DCX: variants seen among roughly 807,000 people sequenced by gnomAD.
The protein encoded by DCX is neuronal migration protein doublecortin.
A neutral mutation model predicts 20.9 loss-of-function variants in DCX; 4 were observed. The observed-to-expected ratio is 0.19, with a 90% CI of 0.09 to 0.44. The LOEUF (loss-of-function observed/expected upper bound fraction) is 0.44, where lower values mean the gene tolerates loss of function less well. Among genes scored for constraint, DCX ranks in the 20% least tolerant of loss-of-function variants. The probability of loss-of-function intolerance (pLI) is 0.99; values close to 1 mark genes in which losing one functional copy is unlikely to be tolerated. For synonymous variants in DCX, 103 were observed against 111.4 expected (o/e 0.92, Z 0.47); for missense variants, 133 against 296.9 (o/e 0.45, Z 4.06).
At chrX:111,352,003 G>A (rs1418912910) in intron 3 of DCX, among the ~76,000 whole-genome samples, 1 of 112,109 alleles carries the variant, frequency 8.9e-6, no homozygotes, top group Non-Finnish European at 1.9e-5. Context: ...GGGATTACAG[G>A]AGGGAGCCAC....
intron 3 of DCX, among the ~76,000 whole-genome samples, chrX:111,393,009 A>G (rs1259712376): frequency 6.3e-5 from 7 of 111,143 alleles, no homozygotes; most frequent in African/African-American, 2.3e-4. Flanking sequence ...TTCCCTACAA[A>G]ATAAGACTAA....
intron 3 of DCX, among the ~76,000 whole-genome samples, chrX:111,334,994 A>G (rs752199261): frequency 8.9e-6 from 1 of 111,911 alleles, no homozygotes; most frequent in Non-Finnish European, 1.9e-5. Context: ...GCCTAGCTGC[A>G]GACCTCCTAC....
intron 6 of DCX, among the ~76,000 whole-genome samples, chrX:111,308,965 T>C (rs1273171114): frequency 9.0e-6 from 1 of 110,760 alleles, no homozygotes; most frequent in East Asian, 2.8e-4. Flanking sequence ...CCTCTGTACC[T>C]CTTTTTTTCT....
chrX:111,301,438 C>T lies in DCX; in HGVS notation c.*249G>A, dbSNP rs2095033665. Reference sequence around the variant, plus strand: ...GGTCATGGACTAGCACATTTTGCATCCCTGGAATGCTGCCCCAAAGGATGG... The same window carrying T: ...GGTCATGGACTAGCACATTTTGCATTCCTGGAATGCTGCCCCAAAGGATGG... On this transcript the variant is annotated 3_prime_UTR_variant, in exon 7 of 7. Transcript: ENST00000636035. 1 of 424,904 alleles carries T rather than the reference C, an allele frequency of 2.4e-6. No individual in the cohort carries two copies. Among genetic ancestry groups the T allele is most frequent in the Admixed American group, 3.9e-5 (1 of 25,419 alleles). The allele number at this position is 424,904 out of a possible 1,213,427, so 35.0% of individuals were successfully genotyped here. A position where few individuals can be genotyped will look rare whatever the true frequency, so the allele number is the denominator to read the frequency against.
intron 3 of DCX, among the ~76,000 whole-genome samples, chrX:111,397,481 A>T (rs765050995): frequency 3.5e-4 from 39 of 111,993 alleles, no homozygotes; most frequent in Admixed American, 2.4e-3. Context: ...AGTGATTGAC[A>T]GGTGTTAACT....
chrX:111,343,768 G>A (rs1296799965), intron 3 of DCX, among the ~76,000 whole-genome samples: 3 of 111,318 alleles, frequency 2.7e-5, no homozygotes, highest in African/African-American at 9.8e-5. Context: ...GATCACCTGA[G>A]GTCAGGAGTT....
At position 111,400,843 on chromosome X, in the gene DCX, C is replaced by G; in HGVS notation, c.705+147G>C. On this transcript the variant is annotated intron_variant, in intron 3 of 6. Coordinates refer to ENST00000636035, the MANE Select transcript of DCX (RefSeq NM_001195553.2). ...TTCATTGCTTTGCCTGCTAAAAATA[C>G]CTTTTCTCCAAATGAAACCTATAAT... The G allele has an allele frequency of 9.1e-6, 5 of 549,640 alleles. No individual in the cohort carries two copies. In the South Asian group the frequency reaches 1.6e-4, roughly 17 times the overall value. The allele number at this position is 549,640 out of a possible 1,213,427, so 45.3% of individuals were successfully genotyped here.
intron 5 of DCX, among the ~76,000 whole-genome samples, chrX:111,317,797 C>T (rs1458247423): frequency 8.9e-6 from 1 of 111,877 alleles, no homozygotes; most frequent in Non-Finnish European, 1.9e-5. Context: ...ATGTGGCCAA[C>T]AAGCATATGA....
At chrX:111,301,778 TTTC>T (rs777916656) in intron 6 of DCX, 35 bp from the exon 7 acceptor site, 19 of 1,159,734 alleles carry the variant, frequency 1.6e-5, no homozygotes, top group Non-Finnish European at 2.1e-5. Context: ...TAATTTTCCT[TTTC>T]TTGATATCTT....
At chrX:111,339,653 C>T (rs1922047628) in intron 3 of DCX, among the ~76,000 whole-genome samples, 1 of 112,152 alleles carries the variant, frequency 8.9e-6, no homozygotes, top group South Asian at 3.7e-4. Flanking sequence ...TGAATACTCA[C>T]ACATTGATAT....
chrX:111,367,114 A>G lies in DCX; in HGVS notation c.705+33876T>C, dbSNP rs139867781. ...AACTCCAAAAATTCTCATCTGGTCC[A>G]GGTTTCTGCAGTCTGAGCTAAGTTG... On this transcript the variant is annotated intron_variant, in intron 3 of 6. Transcript: ENST00000636035. Among the ~76,000 whole-genome samples, 716 of 112,166 alleles carry G rather than the reference A, an allele frequency of 6.4e-3. 19 individuals carry two copies. The highest frequency in any genetic ancestry group is 0.058 in the Admixed American group (613 of 10,530).
rs981112312 is a variant in DCX at position 111,296,834 on chromosome X, G to A, written c.*4853C>T. 1 of 110,311 alleles carries A rather than the reference G, an allele frequency of 9.1e-6. No individual in the cohort carries two copies. Among genetic ancestry groups the A allele is most frequent in the Non-Finnish European group, 1.9e-5 (1 of 52,847 alleles). 9.1% of individuals were successfully genotyped at this position (110,311 alleles called of 1,213,427 possible). A position where few individuals can be genotyped will look rare whatever the true frequency, so the allele number is the denominator to read the frequency against. ...AATGTCACGCTAGCTAAGCCAAAGC[G>A]GGAGGTCTGCATAGATCCTTAACAA... On this transcript the variant is annotated 3_prime_UTR_variant, in exon 7 of 7. Transcript: ENST00000636035.
At chrX:111,410,900 C>T (rs1928656519) in intron 1 of DCX, 3 of 1,211,186 alleles carry the variant, frequency 2.5e-6, no homozygotes, top group Non-Finnish European at 3.4e-6. Flanking sequence ...AGGAGCTACC[C>T]AAGGTTAGCA....
chrX:111,409,902 G>C, intron 2 of DCX, 133 bp downstream of exon 2: 1 of 870,532 alleles, frequency 1.1e-6, no homozygotes, highest in Non-Finnish European at 1.7e-6. Context: ...TATAGCATTA[G>C]AAATTTGAGC....
At chrX:111,351,256 G>A (rs939619517) in intron 3 of DCX, among the ~76,000 whole-genome samples, 1 of 112,062 alleles carries the variant, frequency 8.9e-6, no homozygotes, top group Non-Finnish European at 1.9e-5. Flanking sequence ...CTTTAGTCAA[G>A]ATTCCCTATC....
chrX:111,353,263 G>A (rs186752251), intron 3 of DCX, among the ~76,000 whole-genome samples: 120 of 112,118 alleles, frequency 1.1e-3, no homozygotes, highest in Non-Finnish European at 2.0e-3. Context: ...TGTGATCATA[G>A]ACTTAAACGG....
intron 3 of DCX, among the ~76,000 whole-genome samples, chrX:111,371,178 T>A (rs940582710): frequency 8.0e-5 from 9 of 112,507 alleles, no homozygotes; most frequent in African/African-American, 2.9e-4. Context: ...TCATTTGATA[T>A]TTTTAGTTTT....
In DCX at chrX:111,330,946, G is replaced by A. The variant is rs1921162247; in HGVS notation, c.904C>T (p.Arg302Cys). 6 of 1,211,936 alleles carry A rather than the reference G, an allele frequency of 5.0e-6. No individual in the cohort carries two copies. The highest frequency in any genetic ancestry group is 6.7e-6 in the Non-Finnish European group (6 of 895,466). The stretch of plus-strand genomic sequence containing the variant: ...GAGTCAGCTGGAGACTTGCTTCGGC[G>A]CATAGGACCAGGGCTCTTGGCTGAA... ...KTSAKSPGPMRRSKSPADSGN... is the reference protein window; with the variant it reads ...KTSAKSPGPMCRSKSPADSGN... The change falls in exon 5 of 7, where the codon CGC (arginine) becomes TGC (cysteine). Residue 302 changes from arginine to cysteine, a missense_variant. Arg to Cys is a radical substitution (Grantham distance 180). Around this residue, in one of 2 missense-constraint regions of DCX, gnomAD observed 68 missense variants for 84.3 expected, o/e 0.81. Transcript: ENST00000636035.
At chrX:111,338,841 T>C (rs1225770473) in intron 3 of DCX, among the ~76,000 whole-genome samples, 1 of 111,238 alleles carries the variant, frequency 9.0e-6, no homozygotes, top group Non-Finnish European at 1.9e-5. Flanking sequence ...TTTTATGTTT[T>C]CTTTCATACT....
Sources: allele counts gnomAD v4.1 joint callset (sites outside exome capture counted in the v4.1 genomes callset), GRCh38; gene constraint gnomAD v4.1.1; regional missense constraint gnomAD v4.1.1; transcripts MANE v1.5; gene names NCBI Gene and HGNC (gene_info 2026-07-23, HGNC 2026-07-21).